The following CD226 variants were observed in gnomAD, a reference collection of about 807,000 sequenced individuals.
The protein encoded by CD226 is CD226 molecule.
In CD226, 24 loss-of-function variants were observed where a neutral mutation model predicts 34.9. That is an observed-to-expected ratio of 0.69 (90% CI 0.50 to 0.97). The LOEUF (loss-of-function observed/expected upper bound fraction) is 0.97. Ranked by LOEUF, CD226 falls within the 50% of genes least tolerant of loss-of-function variation. The pLI is 0.00. For synonymous variants in CD226, 148 were observed against 147.4 expected, an observed-to-expected ratio of 1.00 and a Z score of -0.03; for missense variants, 397 against 412.7, an observed-to-expected ratio of 0.96 and a Z score of 0.33.
intron 3 of CD226, among the ~76,000 whole-genome samples, chr18:69,890,252 C>T (rs578223767): frequency 2.0e-5 from 3 of 152,266 alleles, no homozygotes; most frequent in African/African-American, 4.8e-5. Context: ...TAAGCAGATG[C>T]CATAATCCTT....
At chr18:69,906,642 C>G (rs1277186751) in intron 2 of CD226, among the ~76,000 whole-genome samples, 1 of 152,108 alleles carries the variant, frequency 6.6e-6, no homozygotes, top group Non-Finnish European at 1.5e-5. Flanking sequence ...TTTAACTGGC[C>G]GCAGGCAAGA....
chr18:69,942,155 T>C (rs982048565), intron 2 of CD226, among the ~76,000 whole-genome samples: 9 of 152,226 alleles, frequency 5.9e-5, no homozygotes, highest in African/African-American at 2.2e-4. Context: ...CTCTTTCCCT[T>C]ATAAATTACC....
chr18:69,960,076 C>A (rs1480536518), upstream of CD226, among the ~76,000 whole-genome samples: 1 of 151,914 alleles, frequency 6.6e-6, no homozygotes, highest in East Asian at 1.9e-4. Flanking sequence ...CCCGTCTCTA[C>A]TAAAAATACA....
chr18:69,919,184 G>A (rs941521315), intron 2 of CD226, among the ~76,000 whole-genome samples: 1 of 152,178 alleles, frequency 6.6e-6, no homozygotes, highest in East Asian at 1.9e-4. Flanking sequence ...AATGAGTACT[G>A]GATATTATCT....
In CD226 at chr18:69,875,483, T is replaced by C. The variant is rs117424686; in HGVS notation, c.728-2237A>G. Among the ~76,000 whole-genome samples the C allele has an allele frequency of 4.9e-4, 75 of 152,298 alleles. 1 individual carries two copies. In the East Asian group the frequency reaches 0.013, roughly 27 times the overall value. On this transcript the variant is annotated intron_variant, in intron 3 of 5. Transcript: ENST00000582621. ...ACCTACTACCTGTACCAATAACGAG[T>C]GTACCCATTTACATTCCCGCCAACA...
At chr18:69,956,409 G>A (rs2055897714) in intron 1 of CD226, among the ~76,000 whole-genome samples, 1 of 152,304 alleles carries the variant, frequency 6.6e-6, no homozygotes, top group African/African-American at 2.4e-5. Flanking sequence ...CAGTCTTGCT[G>A]GAGAGAAGGA....
chr18:69,880,447 A>G (rs1170316942), intron 3 of CD226, among the ~76,000 whole-genome samples: 21 of 152,044 alleles, frequency 1.4e-4, no homozygotes, highest in Admixed American at 1.4e-3. Flanking sequence ...GGGTATGGAG[A>G]AGAGAGAACC....
chr18:69,869,260 C>T (rs12969657), intron 4 of CD226, among the ~76,000 whole-genome samples: 62,685 of 152,020 alleles, frequency 0.41, 15,450 homozygotes, highest in East Asian at 0.64. Flanking sequence ...ACCTCAATAC[C>T]CGTCAATGAT....
intron 1 of CD226, among the ~76,000 whole-genome samples, chr18:69,954,424 A>AG (rs2055879734): frequency 6.6e-6 from 1 of 152,164 alleles, no homozygotes; most frequent in African/African-American, 2.4e-5. Flanking sequence ...CTATTTTCTG[A>AG]GGGAGGGGTC....
At chr18:69,901,626 A>G (rs977884099) in intron 2 of CD226, among the ~76,000 whole-genome samples, 1 of 135,768 alleles carries the variant, frequency 7.4e-6, no homozygotes, top group African/African-American at 2.6e-5. Context: ...CACACCTGTA[A>G]TCCAGCACTT....
chr18:69,878,182 A>G (rs1047058502), intron 3 of CD226, among the ~76,000 whole-genome samples: 2 of 152,226 alleles, frequency 1.3e-5, no homozygotes, highest in Non-Finnish European at 2.9e-5. Context: ...TTCTTTAAAA[A>G]AGAAGAATTG....
intron 3 of CD226, among the ~76,000 whole-genome samples, chr18:69,892,056 T>A (rs927940838): frequency 1.3e-5 from 2 of 152,224 alleles, no homozygotes; most frequent in Admixed American, 1.3e-4. Context: ...ACCTGTTTCA[T>A]GTCATTCCTC....
In CD226 at chr18:69,864,002, T is replaced by C; in HGVS notation, c.*312A>G. 5.0e-6 allele frequency: 1 copy of C among 198,784 alleles called. No individual in the cohort carries two copies. Among genetic ancestry groups the C allele is most frequent in the South Asian group, 1.3e-4 (1 of 7,874 alleles). 12.3% of individuals were successfully genotyped at this position (198,784 alleles called of 1,614,324 possible). On this transcript the variant is annotated 3_prime_UTR_variant, in exon 6 of 6. Transcript: ENST00000582621. ...GGAAAGGGATTCAGAAGCCAGTTTA[T>C]GCCCATACTTAATTCTAGACACAAC... is the stretch of plus-strand genomic sequence containing the variant.
At chr18:69,952,668 A>G (rs1429540160), upstream of CD226, among the ~76,000 whole-genome samples, 1 of 152,216 alleles carries the variant, frequency 6.6e-6, no homozygotes, top group African/African-American at 2.4e-5. Context: ...ACAGGGGTAA[A>G]TTTTTAAGAC....
At chr18:69,925,618 C>T (rs1292029444) in intron 2 of CD226, among the ~76,000 whole-genome samples, 1 of 152,078 alleles carries the variant, frequency 6.6e-6, no homozygotes, top group Non-Finnish European at 1.5e-5. Flanking sequence ...ACCTTTTAAA[C>T]ATCTCTCAAA....
At chr18:69,867,644 T>C (rs562188788) in intron 4 of CD226, among the ~76,000 whole-genome samples, 1 of 152,314 alleles carries the variant, frequency 6.6e-6, no homozygotes, top group African/African-American at 2.4e-5. Context: ...CTAACCACTG[T>C]GCATTAGTAA....
intron 2 of CD226, among the ~76,000 whole-genome samples, chr18:69,910,601 C>A (rs951442711): frequency 6.6e-6 from 1 of 152,002 alleles, no homozygotes; most frequent in Non-Finnish European, 1.5e-5. Context: ...GTGGAGGAGA[C>A]CCTGGAAAGG....
chr18:69,897,040 T>G (rs1346941260), intron 2 of CD226, among the ~76,000 whole-genome samples: 1 of 152,206 alleles, frequency 6.6e-6, no homozygotes, highest in Non-Finnish European at 1.5e-5. Context: ...TGTGTCCCTT[T>G]AGGGGATATG....
rs1048733561 is a variant in CD226 at position 69,861,432 on chromosome 18, TTATTA to T, written c.*2877_*2881del. ...TACTCCATTAACAAGTCTTCCTATCTTATTATAACAAAGTAATTTCCTTTCATTGG... is the reference window on the plus strand; with the variant it reads ...TACTCCATTAACAAGTCTTCCTATCTTAACAAAGTAATTTCCTTTCATTGG... On this transcript the variant is annotated 3_prime_UTR_variant, in exon 6 of 6. Transcript: ENST00000582621. 2.0e-5 allele frequency: 3 copies of T among 150,860 alleles called. No homozygotes were observed. Among genetic ancestry groups the T allele is most frequent in the African/African-American group, 7.3e-5 (3 of 41,244 alleles). The allele number at this position is 150,860 out of a possible 1,614,324, so 9.3% of individuals were successfully genotyped here. A position where few individuals can be genotyped will look rare whatever the true frequency, so the allele number is the denominator to read the frequency against.
Sources: gnomAD v4.1 joint callset for allele counts (sites outside exome capture counted in the v4.1 genomes callset) on GRCh38, gnomAD v4.1.1 for gene constraint, MANE v1.5 for transcripts, NCBI Gene and HGNC (gene_info 2026-07-23, HGNC 2026-07-21) for gene names.